The following RSPH14 variants were observed in gnomAD, a reference collection of about 807,000 sequenced individuals.
RSPH14 encodes rhabdoid tumor deletion region gene 1.
A neutral mutation model predicts 26.7 loss-of-function variants in RSPH14; 20 were observed. The observed-to-expected ratio is 0.75, with a 90% CI of 0.53 to 1.09. RSPH14 has a LOEUF of 1.09. Among genes scored for constraint, RSPH14 ranks in the 50% least tolerant of loss-of-function variants. The pLI is 0.00. For missense variants in RSPH14, 449 were observed against 457.2 expected, an observed-to-expected ratio of 0.98 and a Z score of 0.16; for synonymous variants, 177 against 189.3, an observed-to-expected ratio of 0.93 and a Z score of 0.53.
intron 4 of RSPH14, among the ~76,000 whole-genome samples, chr22:23,066,078 G>A (rs1293947822): frequency 6.6e-6 from 1 of 152,180 alleles, no homozygotes; most frequent in African/African-American, 2.4e-5. Flanking sequence ...CCCTCTTCCA[G>A]CTCACAGCAG....
At chr22:23,145,119 C>T, upstream of RSPH14, 1 of 575,286 alleles carries the variant, frequency 1.7e-6, no homozygotes, top group Non-Finnish European at 3.1e-6. Flanking sequence ...ATCAATACCA[C>T]ATCAGGAGCT....
upstream of RSPH14, among the ~76,000 whole-genome samples, chr22:23,148,581 T>C (rs747619648): frequency 1.3e-5 from 2 of 152,166 alleles, no homozygotes; most frequent in Admixed American, 6.5e-5. Flanking sequence ...CTGCCCATAA[T>C]AGTCAGGGAT....
intron 4 of RSPH14, chr22:23,123,082 C>A (rs377486881): frequency 6.2e-7 from 1 of 1,604,366 alleles, no homozygotes; most frequent in Admixed American, 1.7e-5. Context: ...CTTTCCTTTC[C>A]CCAGAGTCGG....
chr22:23,084,360 T>G (rs2068760101), intron 4 of RSPH14, among the ~76,000 whole-genome samples: 1 of 152,212 alleles, frequency 6.6e-6, no homozygotes, highest in African/African-American at 2.4e-5. Context: ...GATTCTTTTG[T>G]CTACCTGCAG....
chr22:23,175,568 C>T, the RSPH14 span, among the ~76,000 whole-genome samples: 7 of 150,648 alleles, frequency 4.6e-5, no homozygotes, highest in Admixed American at 2.6e-4. Context: ...GTGACCCGCC[C>T]GCCTAGCCTC....
intron 3 of RSPH14, chr22:23,136,146 C>G: frequency 1.5e-6 from 1 of 654,264 alleles, no homozygotes; most frequent in Admixed American, 2.3e-5. Context: ...GTCTCTCATG[C>G]TTTGATAGTC....
intron 4 of RSPH14, among the ~76,000 whole-genome samples, chr22:23,090,857 G>A (rs2068950956): frequency 6.6e-6 from 1 of 152,138 alleles, no homozygotes; most frequent in South Asian, 2.1e-4. Flanking sequence ...CCTCCCACCT[G>A]AGCAAAAATA....
intron 4 of RSPH14, among the ~76,000 whole-genome samples, chr22:23,108,404 C>T (rs1376914198): frequency 6.6e-6 from 1 of 152,266 alleles, no homozygotes; most frequent in East Asian, 1.9e-4. Flanking sequence ...AGCTGACCAG[C>T]TACACAAACC....
At chr22:23,079,355 T>C (rs1358085877) in intron 4 of RSPH14, among the ~76,000 whole-genome samples, 1 of 152,212 alleles carries the variant, frequency 6.6e-6, no homozygotes, top group Non-Finnish European at 1.5e-5. Context: ...CTTGGCTTTC[T>C]GGACAAAGAG....
chr22:23,168,124 C>T, the RSPH14 span, among the ~76,000 whole-genome samples: 2 of 152,176 alleles, frequency 1.3e-5, no homozygotes, highest in African/African-American at 4.8e-5. Flanking sequence ...TCTGGCCCAG[C>T]CCTTTGCATT....
At chr22:23,149,812 C>T (rs1262666148), upstream of RSPH14, among the ~76,000 whole-genome samples, 8 of 152,242 alleles carry the variant, frequency 5.3e-5, no homozygotes, top group Non-Finnish European at 8.8e-5. Flanking sequence ...AAGGGAACTG[C>T]GGCCCCAGGT....
At chr22:23,143,624 C>G (rs2070641783), upstream of RSPH14, among the ~76,000 whole-genome samples, 1 of 152,202 alleles carries the variant, frequency 6.6e-6, no homozygotes, top group Admixed American at 6.5e-5. Flanking sequence ...AATTTGTCAT[C>G]CTTTGTCTAA....
intron 4 of RSPH14, among the ~76,000 whole-genome samples, chr22:23,121,832 C>T (rs2070037031): frequency 6.6e-6 from 1 of 151,754 alleles, no homozygotes; most frequent in Admixed American, 6.6e-5. Context: ...AGTGATTCTC[C>T]TGCCCCAGCC....
At chr22:23,120,581 A>G (rs893846496) in intron 4 of RSPH14, among the ~76,000 whole-genome samples, 3 of 152,086 alleles carry the variant, frequency 2.0e-5, no homozygotes, top group Non-Finnish European at 4.4e-5. Context: ...GGGTATTAAA[A>G]CCATCTCAAC....
At chr22:23,078,188 G>A (rs1031545815) in intron 4 of RSPH14, among the ~76,000 whole-genome samples, 8 of 152,254 alleles carry the variant, frequency 5.3e-5, no homozygotes, top group Admixed American at 5.2e-4. Flanking sequence ...CTGATATGCT[G>A]TGCAAACATA....
chr22:23,173,386 G>A, the RSPH14 span, among the ~76,000 whole-genome samples: 84 of 151,824 alleles, frequency 5.5e-4, no homozygotes, highest in Middle Eastern at 6.8e-3. Flanking sequence ...CGCCCGCCTC[G>A]GCCTCCCAAA....
chr22:23,136,620 A>G (rs1242998101), intron 3 of RSPH14, among the ~76,000 whole-genome samples: 1 of 138,584 alleles, frequency 7.2e-6, no homozygotes, highest in African/African-American at 2.6e-5. Flanking sequence ...ACTACCATTC[A>G]TTATAAGTAG....
intron 4 of RSPH14, among the ~76,000 whole-genome samples, chr22:23,086,511 C>T (rs74844000): frequency 0.02 from 3,122 of 152,358 alleles, 43 homozygotes; most frequent in Non-Finnish European, 0.032. Context: ...CCTCTCCTCC[C>T]AGTGGCCTCA....
chr22:23,069,156 G>C (rs2068279001), intron 4 of RSPH14, among the ~76,000 whole-genome samples: 1 of 152,212 alleles, frequency 6.6e-6, no homozygotes, highest in Admixed American at 6.5e-5. Context: ...AGCTGGCAAA[G>C]CCAGGCACAT....
Sources: allele counts gnomAD v4.1 joint callset (sites outside exome capture counted in the v4.1 genomes callset), GRCh38; gene constraint gnomAD v4.1.1; transcripts MANE v1.5; gene names NCBI Gene and HGNC (gene_info 2026-07-23, HGNC 2026-07-21).